The following DOCK9 variants were observed in gnomAD, a reference collection of about 807,000 sequenced individuals.
DOCK9 encodes the protein dedicator of cytokinesis 9.
DOCK9 carries 89 observed loss-of-function variants against 263.3 expected under a neutral mutation model. That is an observed-to-expected ratio of 0.34 (90% CI 0.28 to 0.40). The LOEUF is 0.40. DOCK9 is among the 10% of genes least tolerant of loss of function. The pLI is 1.00. For synonymous variants in DOCK9, 976 were observed against 973.1 expected, an observed-to-expected ratio of 1.00 and a Z score of -0.06; for missense variants, 2,140 against 2,603.4, an observed-to-expected ratio of 0.82 and a Z score of 3.87.
Position 98,867,509 on chromosome 13 carries a change from G to A in DOCK9, c.3202C>T (p.Leu1068Phe). ...KTLFEYKFEF[L>F]RVVCNHEHYI... ...TGTTCATGGTTGCACACTACACGGAGAAATTCAAACTTGTATTCAAAGAGG... is the reference window on the plus strand; with the variant it reads ...TGTTCATGGTTGCACACTACACGGAAAAATTCAAACTTGTATTCAAAGAGG... The change falls in exon 30 of 53, where the codon CTC (leucine) becomes TTC (phenylalanine). Residue 1068 changes from leucine to phenylalanine, a missense_variant. Around this residue, in one of 2 missense-constraint regions of DOCK9, gnomAD observed 1,521 missense variants for 1,741.7 expected, o/e 0.87. Coordinates refer to ENST00000682017, the MANE Select transcript of DOCK9 (RefSeq NM_001366683.2). The A allele has an allele frequency of 6.2e-7, 1 of 1,610,662 alleles. No individual in the cohort carries two copies. Among genetic ancestry groups the A allele is most frequent in the Non-Finnish European group, 8.5e-7 (1 of 1,178,396 alleles).
chr13:98,874,056 T>C (rs2094260408), intron 27 of DOCK9, among the ~76,000 whole-genome samples: 1 of 152,238 alleles, frequency 6.6e-6, no homozygotes, highest in East Asian at 1.9e-4. Context: ...ATTCAGACTT[T>C]AAAAGTCTAC....
At chr13:99,047,127 A>T (rs77252851) in intron 1 of DOCK9, among the ~76,000 whole-genome samples, 2,001 of 152,370 alleles carry the variant, frequency 0.013, 34 homozygotes, top group South Asian at 0.057. Context: ...GGCCAAGCCT[A>T]TGAGTAAACT....
At chr13:99,010,797 C>A (rs1011673062) in intron 1 of DOCK9, among the ~76,000 whole-genome samples, 1 of 152,204 alleles carries the variant, frequency 6.6e-6, no homozygotes, top group African/African-American at 2.4e-5. Context: ...ACAGCCCTAG[C>A]CTTACAAAGC....
intron 10 of DOCK9, 82 bp from the exon 11 acceptor site, chr13:98,903,194 AT>A (rs2048553902): frequency 8.7e-7 from 1 of 1,152,178 alleles, no homozygotes; most frequent in Admixed American, 3.2e-5. Flanking sequence ...AGGAAACGGA[AT>A]AAAATATGGA....
intron 2 of DOCK9, among the ~76,000 whole-genome samples, chr13:98,949,382 ACAGAGCCTTGTACATAGCTTGAG>A (rs2057127576): frequency 6.6e-6 from 1 of 152,214 alleles, no homozygotes. Flanking sequence ...CAGGAGTCTT[ACAGAGCCTTGTACATAGCTTGAG>A]TTACTCATTC....
intron 1 of DOCK9, among the ~76,000 whole-genome samples, chr13:99,044,305 G>T (rs1456839347): frequency 6.6e-6 from 1 of 152,210 alleles, no homozygotes; most frequent in Non-Finnish European, 1.5e-5. Flanking sequence ...CAAGAACACT[G>T]CAGGCAGTGG....
chr13:98,920,216 T>C (rs906102408), intron 7 of DOCK9, among the ~76,000 whole-genome samples: 2 of 152,194 alleles, frequency 1.3e-5, no homozygotes, highest in African/African-American at 2.4e-5. Flanking sequence ...TCTGATTTTT[T>C]ACAAGAAAAA....
At chr13:98,988,931 T>C (rs529077469) in intron 1 of DOCK9, among the ~76,000 whole-genome samples, 50 of 152,272 alleles carry the variant, frequency 3.3e-4, no homozygotes, top group Admixed American at 2.7e-3. Flanking sequence ...GGCATCCCCA[T>C]GTGCTGAACG....
chr13:99,075,532 C>T (rs908019816), intron 1 of DOCK9, among the ~76,000 whole-genome samples: 17 of 151,418 alleles, frequency 1.1e-4, no homozygotes, highest in African/African-American at 4.1e-4. Context: ...TTTTTCTTTC[C>T]TTTTTTTCTT....
intron 1 of DOCK9, among the ~76,000 whole-genome samples, chr13:99,042,911 A>T (rs1043843214): frequency 1.3e-5 from 2 of 151,964 alleles, no homozygotes; most frequent in Non-Finnish European, 2.9e-5. Flanking sequence ...TGCTTCACAG[A>T]CCCACTGAAA....
rs769137455 is a variant in DOCK9, at chr13:98,888,214, T to C, written c.1987A>G (p.Ile663Val). Residue 663 changes from isoleucine to valine, a missense_variant, in exon 18 of 53, where the codon ATT becomes GTT. By Grantham distance (29) the Ile-to-Val change is conservative (BLOSUM62 3). This residue lies in a region of DOCK9 where 1,521 missense variants were observed against 1,741.7 expected (regional missense o/e 0.87). Transcript: ENST00000682017. The stretch of plus-strand genomic sequence containing the variant: ...TCTTTGAATTCAATGCAAATCGCAA[T>C]ATTTCTAGCCTGCAGCAATAAACAA... ...SQKSFAKARN[I>V]AICIEFKDSD... 2.5e-6 allele frequency: 4 copies of C among 1,610,806 alleles called. No homozygotes were observed. Among genetic ancestry groups the C allele is most frequent in the African/African-American group, 2.7e-5 (2 of 74,822 alleles).
At chr13:98,814,184 T>C (rs1240932357) in intron 45 of DOCK9, among the ~76,000 whole-genome samples, 1 of 152,204 alleles carries the variant, frequency 6.6e-6, no homozygotes, top group African/African-American at 2.4e-5. Flanking sequence ...ATCATATTTA[T>C]AGCACACGAG....
At chr13:98,848,495 AC>A in intron 37 of DOCK9, 96 bp downstream of exon 37, 4 of 1,327,592 alleles carry the variant, frequency 3.0e-6, no homozygotes, top group Middle Eastern at 1.8e-4. Context: ...GCTTCCATGA[AC>A]CCCAACTGCC....
intron 1 of DOCK9, among the ~76,000 whole-genome samples, chr13:99,070,660 T>C (rs1207573849): frequency 6.6e-6 from 1 of 152,232 alleles, no homozygotes; most frequent in Non-Finnish European, 1.5e-5. Context: ...TAAGTGCTAT[T>C]AAAATGTCCA....
At chr13:98,961,173 A>C (rs551601164) in intron 1 of DOCK9, among the ~76,000 whole-genome samples, 2 of 152,206 alleles carry the variant, frequency 1.3e-5, no homozygotes. Flanking sequence ...CACTTTACTA[A>C]GGAAGGGATG....
At chr13:98,809,147 A>G (rs1439534906) in intron 47 of DOCK9, 2 of 1,536,908 alleles carry the variant, frequency 1.3e-6, no homozygotes, top group South Asian at 1.2e-5. Flanking sequence ...AGTAATAAAG[A>G]AAAGACAGGA....
At chr13:98,894,610 T>C (rs1363845646) in intron 15 of DOCK9, among the ~76,000 whole-genome samples, 1 of 152,118 alleles carries the variant, frequency 6.6e-6, no homozygotes, top group Non-Finnish European at 1.5e-5. Flanking sequence ...AAGGAAAATA[T>C]TGAAATCTAT....
upstream of DOCK9, among the ~76,000 whole-genome samples, chr13:98,980,288 C>T (rs143719706): frequency 2.3e-3 from 356 of 152,376 alleles, no homozygotes; most frequent in African/African-American, 7.9e-3. Flanking sequence ...CTGGCTATGG[C>T]CCATGCCTGT....
rs548273753 is a variant in DOCK9 at position 98,825,525 on chromosome 13, T to TA, written c.5024-1022dup. ...TCTGCCACTATCCCAGTTTAGTTTT[T>TA]ATTTTGTTATATGGAAACAAGAGTC... On this transcript the variant is annotated intron_variant, in intron 44 of 52. Coordinates refer to ENST00000682017, the MANE Select transcript of DOCK9 (RefSeq NM_001366683.2). The surrounding 1 kb of genome is among the most constrained non-coding windows in gnomAD (Gnocchi z 4.1). Among the ~76,000 whole-genome samples the TA allele has an allele frequency of 1.8e-4, 28 of 152,346 alleles. No homozygotes were observed. In the East Asian group the frequency reaches 4.3e-3, roughly 23 times the overall value.
Sources: allele counts gnomAD v4.1 joint callset (sites outside exome capture counted in the v4.1 genomes callset), GRCh38; gene constraint gnomAD v4.1.1; regional missense constraint gnomAD v4.1.1; non-coding constraint Gnocchi (gnomAD v3.1); transcripts MANE v1.5; gene names NCBI Gene and HGNC (gene_info 2026-07-23, HGNC 2026-07-21).